Variants in FAF1 observed in about 807,000 individuals in gnomAD.
FAF1 encodes FAS-associated factor 1.
FAF1 carries 25 observed loss-of-function variants against 92.5 expected under a neutral mutation model. That is an observed-to-expected ratio of 0.27 (90% CI 0.20 to 0.38). The LOEUF (loss-of-function observed/expected upper bound fraction) is 0.38. Ranked by LOEUF, FAF1 falls within the 10% of genes least tolerant of loss-of-function variation. FAF1 has a pLI of 1.00. For synonymous variants in FAF1, 234 were observed against 273.2 expected, an observed-to-expected ratio of 0.86 and a Z score of 1.42; for missense variants, 636 against 793.3, an observed-to-expected ratio of 0.80 and a Z score of 2.38.
intron 5 of FAF1, among the ~76,000 whole-genome samples, chr1:50,742,231 T>C (rs1222133120): frequency 6.6e-6 from 1 of 151,912 alleles, no homozygotes; most frequent in Non-Finnish European, 1.5e-5. Context: ...GAAGCATCAC[T>C]TGAGTCTAGG....
At chr1:50,730,444 T>C (rs1217642806) in intron 6 of FAF1, among the ~76,000 whole-genome samples, 1 of 152,196 alleles carries the variant, frequency 6.6e-6, no homozygotes, top group Non-Finnish European at 1.5e-5. Flanking sequence ...GTTCTTATTC[T>C]TGTTGCTTGC....
chr1:50,729,646 A>T (rs1658834359), intron 6 of FAF1, among the ~76,000 whole-genome samples: 3 of 151,114 alleles, frequency 2.0e-5, no homozygotes, highest in African/African-American at 7.3e-5. Flanking sequence ...ATCTCAGGTG[A>T]TCCGCCTGCG....
At chr1:50,569,314 C>G (rs1244950020) in intron 12 of FAF1, among the ~76,000 whole-genome samples, 3 of 152,160 alleles carry the variant, frequency 2.0e-5, no homozygotes, top group African/African-American at 7.2e-5. Context: ...AGAATGAGGT[C>G]TCTTTCAGTC....
At chr1:50,446,981 A>G (rs1646234012) in intron 18 of FAF1, among the ~76,000 whole-genome samples, 1 of 151,704 alleles carries the variant, frequency 6.6e-6, no homozygotes, top group Non-Finnish European at 1.5e-5. Context: ...CTGGTTCCCT[A>G]ATAATTTTCA....
At chr1:50,615,336 G>T (rs1297492951) in intron 8 of FAF1, among the ~76,000 whole-genome samples, 1 of 152,182 alleles carries the variant, frequency 6.6e-6, no homozygotes, top group Non-Finnish European at 1.5e-5. Flanking sequence ...GAATAGCACT[G>T]CAAGTGTCAT....
intron 18 of FAF1, chr1:50,469,516 G>A (rs1458244218): frequency 1.3e-5 from 2 of 152,218 alleles, no homozygotes; most frequent in East Asian, 1.9e-4. Context: ...AGGAGACGGT[G>A]TGAAATTTTG....
intron 4 of FAF1, among the ~76,000 whole-genome samples, chr1:50,775,142 G>A (rs1469978158): frequency 6.6e-6 from 1 of 152,028 alleles, no homozygotes. Context: ...ACTGAAATGA[G>A]TTATATCTAT....
intron 7 of FAF1, among the ~76,000 whole-genome samples, chr1:50,661,676 G>A (rs145005084): frequency 9.0e-4 from 137 of 152,262 alleles, no homozygotes; most frequent in African/African-American, 3.1e-3. Flanking sequence ...ACTGCATTGA[G>A]CAAATAAGTA....
rs1247852443 is a variant in FAF1 at position 50,490,486 on chromosome 1, G to GA, written c.1653+101dup. ...AAAAAGAAAGAAGGAAGGAAGGAAG[G>GA]AAGGAAAGGAAGGAAGGAAGGAAGG... On this transcript the variant is annotated intron_variant, in intron 17 of 18. Transcript: ENST00000396153. 327 of 629,886 alleles carry GA rather than the reference G, an allele frequency of 5.2e-4. 12 individuals are homozygous for GA. The African/African-American group carries it at 6.3e-3, about 12-fold the overall frequency. 39.0% of individuals were successfully genotyped at this position (629,886 alleles called of 1,614,324 possible).
chr1:50,458,197 G>T (rs1557952809), intron 18 of FAF1, among the ~76,000 whole-genome samples: 1 of 152,102 alleles, frequency 6.6e-6, no homozygotes, highest in East Asian at 1.9e-4. Flanking sequence ...TGGGCAACAA[G>T]GGTGAAACTC....
rs568438108 is a variant in FAF1, at chr1:50,849,112, A to C, written c.114+8817T>G. ...CCTCTACTAAAAATACACACACAAA[A>C]AAAAATTATCCAGGAGTGGTGGCAC... On this transcript the variant is annotated intron_variant, in intron 2 of 18. Coordinates refer to ENST00000396153, the MANE Select transcript of FAF1 (RefSeq NM_007051.3). Among the ~76,000 whole-genome samples the C allele has an allele frequency of 1.1e-4, 16 of 151,978 alleles. 1 individual carries two copies. The highest frequency in any genetic ancestry group is 3.3e-4 in the Admixed American group (5 of 15,246).
intron 6 of FAF1, among the ~76,000 whole-genome samples, chr1:50,722,324 A>C (rs762280577): frequency 6.6e-6 from 1 of 152,152 alleles, no homozygotes; most frequent in African/African-American, 2.4e-5. Context: ...TCACCTCTAG[A>C]ATGCTCAAAG....
chr1:50,450,419 G>A (rs1168821476), intron 18 of FAF1, among the ~76,000 whole-genome samples: 2 of 152,148 alleles, frequency 1.3e-5, no homozygotes, highest in Non-Finnish European at 2.9e-5. Context: ...TGGTTTGTGA[G>A]CTTCCAGCCT....
intron 6 of FAF1, among the ~76,000 whole-genome samples, chr1:50,723,227 C>G (rs532853555): frequency 4.6e-5 from 7 of 152,106 alleles, no homozygotes; most frequent in African/African-American, 1.7e-4. Flanking sequence ...ACGGCAAAAT[C>G]TCATCTCTAC....
chr1:50,908,893 A>G (rs2124718839), intron 1 of FAF1, among the ~76,000 whole-genome samples: 1 of 152,206 alleles, frequency 6.6e-6, no homozygotes, highest in Middle Eastern at 3.4e-3. Flanking sequence ...TAATATTGTT[A>G]TGTGTGAATT....
At chr1:50,879,634 T>C (rs556026214) in intron 1 of FAF1, among the ~76,000 whole-genome samples, 1 of 152,292 alleles carries the variant, frequency 6.6e-6, no homozygotes, top group African/African-American at 2.4e-5. Context: ...GATTTACAAA[T>C]GTAATTGTCT....
intron 3 of FAF1, among the ~76,000 whole-genome samples, chr1:50,794,103 T>C (rs1661659256): frequency 6.6e-6 from 1 of 152,248 alleles, no homozygotes; most frequent in Admixed American, 6.5e-5. Context: ...TTTGATACTT[T>C]GGTAGGACGC....
At chr1:50,780,617 C>A in intron 4 of FAF1, 1 of 201,254 alleles carries the variant, frequency 5.0e-6, no homozygotes, top group Non-Finnish European at 1.0e-5. Context: ...AACTGCACAT[C>A]CTCTTCCAGC....
intron 8 of FAF1, among the ~76,000 whole-genome samples, chr1:50,629,501 CTG>C (rs1390663361): frequency 6.6e-6 from 1 of 152,076 alleles, no homozygotes; most frequent in East Asian, 1.9e-4. Context: ...AAATCTCTGA[CTG>C]TGCATAATAG....
Sources: gnomAD v4.1 joint callset for allele counts (sites outside exome capture counted in the v4.1 genomes callset) on GRCh38, gnomAD v4.1.1 for gene constraint, MANE v1.5 for transcripts, NCBI Gene and HGNC (gene_info 2026-07-23, HGNC 2026-07-21) for gene names.